Variants in EPHA6 observed in about 807,000 individuals in gnomAD.
EPHA6 encodes the protein EPH receptor A6.
In EPHA6, 50 loss-of-function variants were observed where a neutral mutation model predicts 112.0. That is an observed-to-expected ratio of 0.45 (90% CI 0.36 to 0.56). EPHA6 has a LOEUF of 0.56. Ranked by LOEUF, EPHA6 falls within the 20% of genes least tolerant of loss-of-function variation. The probability of loss-of-function intolerance (pLI) is 0.00; values close to 1 mark genes in which losing one functional copy is unlikely to be tolerated. For missense variants in EPHA6, 1,280 were observed against 1,417.4 expected (o/e 0.90, Z 1.56); for synonymous variants, 529 against 490.7 (o/e 1.08, Z -1.03).
At chr3:97,263,469 C>A (rs1175898247) in intron 5 of EPHA6, among the ~76,000 whole-genome samples, 1 of 125,476 alleles carries the variant, frequency 8.0e-6, no homozygotes. Flanking sequence ...ACACACACAC[C>A]CGCTAGGCAA....
chr3:97,512,423 A>G (rs1415739494), intron 10 of EPHA6, among the ~76,000 whole-genome samples: 2 of 152,194 alleles, frequency 1.3e-5, no homozygotes, highest in African/African-American at 4.8e-5. Flanking sequence ...ACACTTTTTT[A>G]AAATCAAAAT....
intron 1 of EPHA6, among the ~76,000 whole-genome samples, chr3:96,833,510 C>T (rs78758963): frequency 3.7e-4 from 57 of 152,016 alleles, no homozygotes; most frequent in Non-Finnish European, 6.9e-4. Context: ...AACTAGTTTA[C>T]AGAGTAAGGA....
chr3:97,038,047 A>G (rs376008030), intron 3 of EPHA6, among the ~76,000 whole-genome samples: 1 of 152,006 alleles, frequency 6.6e-6, no homozygotes, highest in Non-Finnish European at 1.5e-5. Context: ...CATAATGTAT[A>G]TATTTTGAGA....
At chr3:96,971,846 T>G (rs144170089) in intron 2 of EPHA6, among the ~76,000 whole-genome samples, 3 of 152,134 alleles carry the variant, frequency 2.0e-5, no homozygotes, top group Non-Finnish European at 2.9e-5. Context: ...AATCTTAGAA[T>G]GAAGTTGAAG....
intron 10 of EPHA6, among the ~76,000 whole-genome samples, chr3:97,521,759 C>T (rs765900022): frequency 6.6e-6 from 1 of 152,072 alleles, no homozygotes; most frequent in Admixed American, 6.6e-5. Flanking sequence ...CTTGTACTCA[C>T]GTTCCCCCAT....
intron 1 of EPHA6, among the ~76,000 whole-genome samples, chr3:96,835,335 GA>G (rs1266919371): frequency 2.0e-5 from 3 of 152,086 alleles, no homozygotes; most frequent in Admixed American, 6.6e-5. Flanking sequence ...GGCTTCAAAG[GA>G]AGTGGTGGTC....
chr3:97,134,960 T>C (rs1041055816), intron 3 of EPHA6, among the ~76,000 whole-genome samples: 1 of 152,148 alleles, frequency 6.6e-6, no homozygotes, highest in African/African-American at 2.4e-5. Flanking sequence ...TTAATGACAA[T>C]TGAGTTCCTT....
At chr3:97,374,896 C>A (rs2085261083) in intron 5 of EPHA6, among the ~76,000 whole-genome samples, 1 of 152,110 alleles carries the variant, frequency 6.6e-6, no homozygotes, top group Admixed American at 6.6e-5. Flanking sequence ...ATGATATATA[C>A]AATTTCTGGT....
At chr3:97,040,259 T>G (rs571955042) in intron 3 of EPHA6, among the ~76,000 whole-genome samples, 14 of 152,086 alleles carry the variant, frequency 9.2e-5, no homozygotes, top group Admixed American at 8.5e-4. Context: ...ACTTTCCCTG[T>G]GTGTCTTAAG....
chr3:97,115,264 G>A (rs2108291158), intron 3 of EPHA6, among the ~76,000 whole-genome samples: 1 of 151,966 alleles, frequency 6.6e-6, no homozygotes, highest in Non-Finnish European at 1.5e-5. Flanking sequence ...CAGATGATCA[G>A]TGGGAGCCTA....
chr3:97,508,502 T>C lies in EPHA6; in HGVS notation c.2201-23856T>C, dbSNP rs2092300328. On this transcript the variant is annotated intron_variant, in intron 10 of 17. Coordinates refer to ENST00000389672, the MANE Select transcript of EPHA6 (RefSeq NM_001080448.3). The stretch of plus-strand genomic sequence containing the variant: ...TGAGTTTCTTAATCCTGAGTTCTAA[T>C]TTGATTGCACTGTGGTCTGAGAGAC... 2.0e-5 allele frequency among the ~76,000 whole-genome samples: 3 copies of C among 152,332 alleles called. No homozygotes were observed. The South Asian group carries it at 6.2e-4, about 32-fold the overall frequency.
At chr3:97,623,436 A>G (rs983895639) in intron 13 of EPHA6, among the ~76,000 whole-genome samples, 56 of 151,836 alleles carry the variant, frequency 3.7e-4, no homozygotes, top group African/African-American at 1.3e-3. Context: ...TCCTGCTTGT[A>G]TAACAATATA....
chr3:97,048,966 A>G (rs1380609182), intron 3 of EPHA6, among the ~76,000 whole-genome samples: 1 of 152,220 alleles, frequency 6.6e-6, no homozygotes, highest in African/African-American at 2.4e-5. Flanking sequence ...ATTTAAGTAA[A>G]GACACGAAGG....
chr3:97,391,938 T>G (rs974005841), intron 5 of EPHA6, among the ~76,000 whole-genome samples: 4 of 151,818 alleles, frequency 2.6e-5, no homozygotes, highest in Non-Finnish European at 4.4e-5. Flanking sequence ...CAGAAAAATA[T>G]TTTTTTCTTT....
chr3:97,481,433 T>TA lies in EPHA6; in HGVS notation c.2074+2070dup. ...ATCTGTTCGCCTTTCTCCAAAATAA[T>TA]ACAGGCTTTCCTTTGCAGTTAAAAA... On this transcript the variant is annotated intron_variant, in intron 9 of 17. Transcript: ENST00000389672. The TA allele has an allele frequency of 2.9e-6, 4 of 1,399,592 alleles. No homozygotes were observed. In the South Asian group the frequency reaches 4.6e-5, roughly 16 times the overall value. 86.7% of individuals were successfully genotyped at this position (1,399,592 alleles called of 1,614,324 possible).
chr3:97,408,208 T>C (rs1206907002), intron 6 of EPHA6, among the ~76,000 whole-genome samples: 1 of 151,970 alleles, frequency 6.6e-6, no homozygotes, highest in African/African-American at 2.4e-5. Flanking sequence ...GGCCTAATGA[T>C]CTCTTAAGGG....
At chr3:96,930,058 A>C (rs576579680) in intron 2 of EPHA6, among the ~76,000 whole-genome samples, 1 of 152,274 alleles carries the variant, frequency 6.6e-6, no homozygotes, top group South Asian at 2.1e-4. Context: ...TGTGTTTTTC[A>C]GGTCTAACAG....
intron 2 of EPHA6, among the ~76,000 whole-genome samples, chr3:96,936,044 A>G (rs752579056): frequency 3.9e-5 from 6 of 152,046 alleles, no homozygotes; most frequent in Non-Finnish European, 5.9e-5. Context: ...AAAGGGGGGA[A>G]AATTCAAGAA....
At chr3:97,179,285 T>A (rs1411298194) in intron 3 of EPHA6, among the ~76,000 whole-genome samples, 2 of 152,114 alleles carry the variant, frequency 1.3e-5, no homozygotes, top group East Asian at 1.9e-4. Flanking sequence ...TTCTCTGTGT[T>A]ATGTGGTATT....
Sources: allele counts gnomAD v4.1 joint callset (sites outside exome capture counted in the v4.1 genomes callset), GRCh38; gene constraint gnomAD v4.1.1; transcripts MANE v1.5; gene names NCBI Gene and HGNC (gene_info 2026-07-23, HGNC 2026-07-21).